Variants in CTNNA3 observed in about 807,000 individuals in gnomAD.
The protein encoded by CTNNA3 is catenin alpha 3.
In CTNNA3, 76 loss-of-function variants were observed where a neutral mutation model predicts 95.7. That is an observed-to-expected ratio of 0.79 (90% CI 0.66 to 0.96). CTNNA3 has a LOEUF of 0.96. CTNNA3 is among the 40% of genes least tolerant of loss of function. The pLI is 0.00. For synonymous variants in CTNNA3, 431 were observed against 374.4 expected, an observed-to-expected ratio of 1.15 and a Z score of -1.74; for missense variants, 1,191 against 1,089.8, an observed-to-expected ratio of 1.09 and a Z score of -1.31.
At chr10:67,139,999 C>T (rs1017353419) in intron 7 of CTNNA3, among the ~76,000 whole-genome samples, 2 of 152,098 alleles carry the variant, frequency 1.3e-5, no homozygotes, top group African/African-American at 4.8e-5. Context: ...CTATAGAGTG[C>T]TTTAATTCTT....
chr10:67,147,539 C>T (rs1432524965), intron 7 of CTNNA3, among the ~76,000 whole-genome samples: 2 of 152,138 alleles, frequency 1.3e-5, no homozygotes, highest in Non-Finnish European at 2.9e-5. Context: ...CCTGCTAGAT[C>T]TAACAGTAAT....
intron 11 of CTNNA3, among the ~76,000 whole-genome samples, chr10:66,397,695 A>G (rs1589192299): frequency 6.6e-6 from 1 of 151,824 alleles, no homozygotes; most frequent in Non-Finnish European, 1.5e-5. Context: ...AAATGACTCC[A>G]AGGAACATGA....
chr10:65,961,057 A>G lies in CTNNA3; in HGVS notation c.2400+5555T>C, dbSNP rs190105434. Reference sequence around the variant, plus strand: ...CTTTATTCCATCAGTTGTAGTCTTAATTTTTCACAGGTTCATTCTCTTCTG... The same window carrying G: ...CTTTATTCCATCAGTTGTAGTCTTAGTTTTTCACAGGTTCATTCTCTTCTG... On this transcript the variant is annotated intron_variant, in intron 17 of 17. Coordinates refer to ENST00000433211, the MANE Select transcript of CTNNA3 (RefSeq NM_013266.4). Among the ~76,000 whole-genome samples the G allele has an allele frequency of 1.8e-3, 278 of 152,012 alleles. 1 individual carries two copies. Among genetic ancestry groups the G allele is most frequent in the African/African-American group, 6.3e-3 (262 of 41,468 alleles).
At chr10:67,575,618 A>T (rs1054167010) in intron 3 of CTNNA3, among the ~76,000 whole-genome samples, 1 of 152,128 alleles carries the variant, frequency 6.6e-6, no homozygotes, top group Admixed American at 6.6e-5. Flanking sequence ...CCCACTGCTC[A>T]TTTCTGCCTT....
chr10:66,470,526 G>A (rs1839088923), intron 11 of CTNNA3, among the ~76,000 whole-genome samples: 1 of 151,918 alleles, frequency 6.6e-6, no homozygotes, highest in African/African-American at 2.4e-5. Flanking sequence ...CAAGATGGAA[G>A]CATTTGAATG....
intron 13 of CTNNA3, among the ~76,000 whole-genome samples, chr10:66,115,480 T>C (rs570456632): frequency 6.6e-6 from 1 of 151,940 alleles, no homozygotes; most frequent in East Asian, 1.9e-4. Flanking sequence ...GAAAGAGATG[T>C]TGTGGTTTGA....
chr10:67,574,785 TG>T (rs1218891508), intron 3 of CTNNA3, among the ~76,000 whole-genome samples: 6 of 152,066 alleles, frequency 3.9e-5, no homozygotes, highest in Non-Finnish European at 7.4e-5. Flanking sequence ...TTCACCATGT[TG>T]GCCAGGCTGG....
chr10:66,346,036 C>T (rs1377455378), intron 12 of CTNNA3, among the ~76,000 whole-genome samples: 1 of 141,752 alleles, frequency 7.1e-6, no homozygotes, highest in Non-Finnish European at 1.5e-5. Flanking sequence ...GAGATCGCAC[C>T]ACTGCACTCC....
intron 7 of CTNNA3, among the ~76,000 whole-genome samples, chr10:67,160,887 T>C (rs540128245): frequency 6.6e-6 from 1 of 152,314 alleles, no homozygotes; most frequent in African/African-American, 2.4e-5. Context: ...ACAACATGAA[T>C]GAATTCTTGA....
In CTNNA3 at chr10:66,867,475, G is replaced by A. The variant is rs1286332990; in HGVS notation, c.1048-91951C>T. ...CACTGCCCAGGACATTCCAGGGGGA[G>A]ATACAAAGAAGGATAAACTGAGGCT... is the stretch of plus-strand genomic sequence containing the variant. On this transcript the variant is annotated intron_variant, in intron 7 of 17. Transcript: ENST00000433211. Among the ~76,000 whole-genome samples, 4 of 152,142 alleles carry A rather than the reference G, an allele frequency of 2.6e-5. No individual in the cohort carries two copies. The East Asian group carries it at 7.7e-4, about 29-fold the overall frequency.
chr10:66,493,026 G>A (rs1479238349), intron 11 of CTNNA3, among the ~76,000 whole-genome samples: 5 of 152,116 alleles, frequency 3.3e-5, no homozygotes, highest in Non-Finnish European at 7.4e-5. Context: ...GAAAACTACT[G>A]TGAACATACC....
intron 9 of CTNNA3, among the ~76,000 whole-genome samples, chr10:66,689,786 A>G (rs939505112): frequency 1.2e-4 from 18 of 152,198 alleles, no homozygotes; most frequent in African/African-American, 3.4e-4. Context: ...TGAGAAGACC[A>G]ATAAAGGAGA....
chr10:66,776,872 A>G (rs1840323643), intron 7 of CTNNA3, among the ~76,000 whole-genome samples: 1 of 152,154 alleles, frequency 6.6e-6, no homozygotes, highest in African/African-American at 2.4e-5. Flanking sequence ...ATTGGCAAAT[A>G]TATCTCAATT....
intron 1 of CTNNA3, among the ~76,000 whole-genome samples, chr10:67,677,366 C>T (rs1055420050): frequency 1.3e-5 from 2 of 152,126 alleles, no homozygotes; most frequent in Admixed American, 6.5e-5. Flanking sequence ...CACACGCACG[C>T]ATGCACACAC....
chr10:67,040,855 T>C (rs1206460804), intron 7 of CTNNA3, among the ~76,000 whole-genome samples: 1 of 152,142 alleles, frequency 6.6e-6, no homozygotes, highest in East Asian at 1.9e-4. Context: ...TAGCAAACTT[T>C]CATTGAACAA....
At chr10:66,245,963 T>C (rs1365362727) in intron 13 of CTNNA3, among the ~76,000 whole-genome samples, 1 of 152,222 alleles carries the variant, frequency 6.6e-6, no homozygotes, top group Non-Finnish European at 1.5e-5. Context: ...ATTTGGCTCA[T>C]GGGCAACCAT....
intron 7 of CTNNA3, among the ~76,000 whole-genome samples, chr10:67,046,498 C>T (rs550361744): frequency 2.0e-4 from 30 of 152,248 alleles, no homozygotes; most frequent in Admixed American, 2.0e-3. Context: ...CCTAGAAGAA[C>T]AAGGGGATTC....
chr10:67,473,083 A>G (rs561850278), intron 5 of CTNNA3, among the ~76,000 whole-genome samples: 1 of 152,344 alleles, frequency 6.6e-6, no homozygotes, highest in Non-Finnish European at 1.5e-5. Context: ...TAACCTTGTA[A>G]AACAGTACAA....
intron 7 of CTNNA3, among the ~76,000 whole-genome samples, chr10:67,089,948 A>G (rs1344572888): frequency 6.6e-6 from 1 of 152,078 alleles, no homozygotes; most frequent in Non-Finnish European, 1.5e-5. Flanking sequence ...GTTTTACATA[A>G]AGAAAAAATT....
Sources: allele counts gnomAD v4.1 joint callset (sites outside exome capture counted in the v4.1 genomes callset), GRCh38; gene constraint gnomAD v4.1.1; transcripts MANE v1.5; gene names NCBI Gene and HGNC (gene_info 2026-07-23, HGNC 2026-07-21).